LPXN: variants seen among roughly 807,000 people sequenced by gnomAD.
The protein encoded by LPXN is leupaxin.
In LPXN, 28 loss-of-function variants were observed where a neutral mutation model predicts 45.6. The ratio of observed to expected loss-of-function variants is 0.61; its 90% CI spans 0.45 to 0.84. The LOEUF is 0.84. Among genes scored for constraint, LPXN ranks in the 40% least tolerant of loss-of-function variants. LPXN has a pLI of 0.00. For synonymous variants in LPXN, 166 were observed against 169.9 expected, an observed-to-expected ratio of 0.98 and a Z score of 0.18; for missense variants, 459 against 475.0, an observed-to-expected ratio of 0.97 and a Z score of 0.31.
At chr11:58,542,943 TTAAC>T (rs1383876867) in intron 7 of LPXN, among the ~76,000 whole-genome samples, 3 of 152,188 alleles carry the variant, frequency 2.0e-5, no homozygotes, top group Admixed American at 2.0e-4. Context: ...TACAACAAAA[TTAAC>T]TAATTAATCC....
chr11:58,549,274 G>A lies in LPXN; in HGVS notation c.742+512C>T, dbSNP rs549110817. On this transcript the variant is annotated intron_variant, in intron 7 of 8. Transcript: ENST00000395074. The stretch of plus-strand genomic sequence containing the variant: ...CCGGGTGTGGTGGCAAGTGCCTGTA[G>A]TCCCAGCTACTTGGGAGGCTGAGGC... 4.3e-3 allele frequency among the ~76,000 whole-genome samples: 655 copies of A among 152,136 alleles called. 4 individuals are homozygous for A. Among genetic ancestry groups the A allele is most frequent in the Non-Finnish European group, 7.0e-3 (478 of 67,958 alleles).
intron 3 of LPXN, among the ~76,000 whole-genome samples, chr11:58,557,224 G>A (rs1049224170): frequency 2.0e-5 from 3 of 152,118 alleles, no homozygotes; most frequent in South Asian, 4.1e-4. Context: ...TTACCACTTC[G>A]TAAAGATCTC....
intron 7 of LPXN, among the ~76,000 whole-genome samples, chr11:58,535,895 G>A (rs1477770903): frequency 6.6e-6 from 1 of 152,056 alleles, no homozygotes; most frequent in African/African-American, 2.4e-5. Context: ...GAAATCATGA[G>A]TGAAACTCAT....
chr11:58,549,919 ACT>A (rs1853991776), intron 6 of LPXN, 52 bp from the exon 7 acceptor site: 1 of 1,613,648 alleles, frequency 6.2e-7, no homozygotes, highest in South Asian at 1.1e-5. Context: ...GTAAAGCATG[ACT>A]CTGGTTCTAA....
At chr11:58,529,502 T>C (rs1853321521) in intron 7 of LPXN, among the ~76,000 whole-genome samples, 1 of 149,732 alleles carries the variant, frequency 6.7e-6, no homozygotes, top group South Asian at 2.1e-4. Context: ...CCCAGCTACT[T>C]GGGAGGCTGA....
At chr11:58,552,959 G>A (rs1395035100) in intron 4 of LPXN, among the ~76,000 whole-genome samples, 1 of 152,132 alleles carries the variant, frequency 6.6e-6, no homozygotes, top group African/African-American at 2.4e-5. Context: ...GGATGGCTAG[G>A]GTGCAGAGCT....
Position 58,551,222 on chromosome 11 carries a change from C to G in LPXN, c.329G>C (p.Arg110Thr). ...LTEMQAKVAV[R>T]ADAGKKHLPD... ...TAAGTGCTTCTTGCCAGCATCTGCT[C>G]TCACTGCAACCTGGCCCAAGGGAAG... The change falls in exon 5 of 9, where the codon AGA (arginine) becomes ACA (threonine). Residue 110 changes from arginine to threonine, a missense_variant. By Grantham distance (71) the Arg-to-Thr change is moderately conservative. Coordinates refer to ENST00000395074, the MANE Select transcript of LPXN (RefSeq NM_004811.3). 6.2e-7 allele frequency: 1 copy of G among 1,605,970 alleles called. No homozygotes were observed. The highest frequency in any genetic ancestry group is 1.1e-5 in the South Asian group (1 of 89,906).
chr11:58,559,646 TAGG>T (rs1387835210), intron 3 of LPXN, among the ~76,000 whole-genome samples: 1 of 152,020 alleles, frequency 6.6e-6, no homozygotes, highest in Non-Finnish European at 1.5e-5. Flanking sequence ...GAGGCTGAGG[TAGG>T]AGGACTGCTT....
At chr11:58,577,157 G>A (rs982606056), upstream of LPXN, among the ~76,000 whole-genome samples, 2 of 146,142 alleles carry the variant, frequency 1.4e-5, no homozygotes, top group Non-Finnish European at 3.0e-5. Context: ...ATTTTTTTTT[G>A]AAAGGAGATT....
intron 1 of LPXN, among the ~76,000 whole-genome samples, chr11:58,572,692 T>C (rs867932224): frequency 3.3e-5 from 5 of 152,300 alleles, no homozygotes; most frequent in Middle Eastern, 6.8e-3. Context: ...AGGCTGTTGT[T>C]ATGGCAATGG....
At chr11:58,539,459 T>C (rs1300887158) in intron 7 of LPXN, among the ~76,000 whole-genome samples, 2 of 152,194 alleles carry the variant, frequency 1.3e-5, no homozygotes, top group Non-Finnish European at 2.9e-5. Context: ...ATTCCAAGTA[T>C]GTGGCAGAGT....
At chr11:58,556,404 T>C (rs185400967) in intron 3 of LPXN, among the ~76,000 whole-genome samples, 62 of 152,104 alleles carry the variant, frequency 4.1e-4, no homozygotes, top group Non-Finnish European at 6.6e-4. Flanking sequence ...CCATAAGAAA[T>C]ATATAGCAAG....
intron 3 of LPXN, among the ~76,000 whole-genome samples, chr11:58,559,519 A>T (rs1010425630): frequency 2.6e-5 from 4 of 152,164 alleles, no homozygotes; most frequent in African/African-American, 9.7e-5. Context: ...GATTTAAGTG[A>T]ACTAAAAAAG....
chr11:58,547,292 T>C (rs1169057997), intron 7 of LPXN, among the ~76,000 whole-genome samples: 3 of 152,170 alleles, frequency 2.0e-5, no homozygotes, highest in Non-Finnish European at 2.9e-5. Flanking sequence ...GAGGGAACAA[T>C]GAAAGCCCCT....
chr11:58,541,709 C>T (rs4329707), intron 7 of LPXN, among the ~76,000 whole-genome samples: 143,064 of 149,594 alleles, frequency 0.96, 68,576 homozygotes, highest in Middle Eastern at 0.99. Context: ...CAAAGGACTA[C>T]AAATCATGCT....
intron 7 of LPXN, among the ~76,000 whole-genome samples, chr11:58,531,392 C>T (rs930391186): frequency 6.6e-6 from 1 of 151,744 alleles, no homozygotes; most frequent in African/African-American, 2.4e-5. Flanking sequence ...AAATATAGCA[C>T]AAGAACTTTG....
At chr11:58,539,191 T>C (rs1450301731) in intron 7 of LPXN, among the ~76,000 whole-genome samples, 2 of 152,150 alleles carry the variant, frequency 1.3e-5, no homozygotes, top group Non-Finnish European at 2.9e-5. Context: ...ACATCTGTAG[T>C]GCCAGCTACT....
chr11:58,528,308 T>C (rs1853290094), intron 7 of LPXN, 117 bp from the exon 8 acceptor site: 13 of 925,822 alleles, frequency 1.4e-5, no homozygotes, highest in Non-Finnish European at 3.3e-6. Flanking sequence ...GGATGATTAC[T>C]GTTACCTAAT....
chr11:58,577,908 A>G, upstream of LPXN: 3 of 1,236,144 alleles, frequency 2.4e-6, no homozygotes, highest in African/African-American at 3.1e-5. Context: ...GATTTGATTA[A>G]GAGCCAACTG....
Sources: allele counts gnomAD v4.1 joint callset (sites outside exome capture counted in the v4.1 genomes callset), GRCh38; gene constraint gnomAD v4.1.1; transcripts MANE v1.5; gene names NCBI Gene and HGNC (gene_info 2026-07-23, HGNC 2026-07-21).